The following GNAL variants were observed in gnomAD, a reference collection of about 807,000 sequenced individuals.
GNAL encodes G protein subunit alpha L.
GNAL carries 18 observed loss-of-function variants against 55.1 expected under a neutral mutation model. That is an observed-to-expected ratio of 0.33 (90% confidence interval 0.23 to 0.48). The LOEUF (loss-of-function observed/expected upper bound fraction) is 0.48. Ranked by LOEUF, GNAL falls within the 20% of genes least tolerant of loss-of-function variation. The pLI, the probability that GNAL is intolerant of heterozygous loss-of-function variation, is 0.99. For missense variants in GNAL, 412 were observed against 614.1 expected (o/e 0.67, Z 3.48); for synonymous variants, 253 against 237.0 (o/e 1.07, Z -0.62).
At chr18:11,864,471 G>C in intron 6 of GNAL, 62 bp from the exon 7 acceptor site, 1 of 847,704 alleles carries the variant, frequency 1.2e-6, no homozygotes, top group East Asian at 2.4e-5. Flanking sequence ...AGTTATACCC[G>C]GGCTTTACCT....
intron 5 of GNAL, among the ~76,000 whole-genome samples, chr18:11,831,282 T>C (rs2035377069): frequency 1.3e-5 from 2 of 152,160 alleles, no homozygotes; most frequent in South Asian, 2.1e-4. Flanking sequence ...AAGACAGAGA[T>C]GCTGCCTTGT....
At chr18:11,862,318 G>A (rs2036165702) in intron 5 of GNAL, 77 bp from the exon 6 acceptor site, 1 of 1,092,674 alleles carries the variant, frequency 9.2e-7, no homozygotes, top group African/African-American at 1.5e-5. Context: ...CTTGGGTGAT[G>A]TCCCATTAAT....
intron 4 of GNAL, among the ~76,000 whole-genome samples, chr18:11,781,141 G>A (rs945566788): frequency 6.6e-6 from 1 of 152,110 alleles, no homozygotes. Context: ...TTTAAATATA[G>A]GGAAAATTTG....
At chr18:11,699,971 T>C (rs1276325937) in intron 1 of GNAL, among the ~76,000 whole-genome samples, 3 of 152,208 alleles carry the variant, frequency 2.0e-5, no homozygotes, top group Non-Finnish European at 4.4e-5. Flanking sequence ...CTGTATTCTG[T>C]ACCATCCTCT....
chr18:11,881,143 G>C lies in GNAL; in HGVS notation c.*8G>C, dbSNP rs749940845. 1.9e-6 allele frequency: 3 copies of C among 1,600,908 alleles called. No homozygotes were observed. The highest frequency in any genetic ancestry group is 4.5e-5 in the East Asian group (2 of 44,340). On this transcript the variant is annotated 3_prime_UTR_variant, in exon 12 of 12. Coordinates refer to ENST00000334049, the MANE Select transcript of GNAL (RefSeq NM_182978.4). This position sits in a 1 kb window ranked among gnomAD's most constrained non-coding sequence, Gnocchi z 4.8. ...CAGTATGAGCTCTTGTGAGGATGCT[G>C]CCGCCACCCTGCGACGGAGCGGCGC...
rs180824191 is a variant in GNAL at position 11,724,888 on chromosome 18, A to G, written c.377-27965A>G. 3.0e-3 allele frequency among the ~76,000 whole-genome samples: 452 copies of G among 152,324 alleles called. 1 individual carries two copies. The highest frequency in any genetic ancestry group is 0.011 in the South Asian group (53 of 4,830). ...CCAGAGAATGGTAGTGCCTTGCTCC[A>G]AAATCCTAGAGACTTGTGCTGCAGT... On this transcript the variant is annotated intron_variant, in intron 1 of 11. Coordinates refer to ENST00000334049, the MANE Select transcript of GNAL (RefSeq NM_182978.4).
chr18:11,805,742 T>A (rs1231535366), intron 4 of GNAL, among the ~76,000 whole-genome samples: 2 of 152,242 alleles, frequency 1.3e-5, no homozygotes, highest in Non-Finnish European at 2.9e-5. Flanking sequence ...CCACATCCAG[T>A]CATCCATGGG....
At position 11,885,553 on chromosome 18, in the gene GNAL, A is replaced by G. The variant is rs2037085864; in HGVS notation, c.*4418A>G. On this transcript the variant is annotated 3_prime_UTR_variant, in exon 12 of 12. Transcript: ENST00000334049. ...GGGCAGTGTATGGAGCTACGTGTAG[A>G]AGGAGAGAAATTTGTGTGTGGCTTT... 4 of 1,198,662 alleles carry G rather than the reference A, an allele frequency of 3.3e-6. No homozygotes were observed. In the South Asian group the frequency reaches 5.8e-5, roughly 17 times the overall value. 74.3% of individuals were successfully genotyped at this position (1,198,662 alleles called of 1,614,324 possible). A position where few individuals can be genotyped will look rare whatever the true frequency, so the allele number is the denominator to read the frequency against.
At chr18:11,721,060 C>T (rs2032081706) in intron 1 of GNAL, among the ~76,000 whole-genome samples, 1 of 152,178 alleles carries the variant, frequency 6.6e-6, no homozygotes, top group Admixed American at 6.5e-5. Flanking sequence ...TCTTCTCTTC[C>T]AGAAAAGTGT....
intron 1 of GNAL, among the ~76,000 whole-genome samples, chr18:11,748,214 TG>T (rs1377716148): frequency 6.6e-6 from 1 of 152,198 alleles, no homozygotes; most frequent in African/African-American, 2.4e-5. Flanking sequence ...GTCTCGTCAC[TG>T]TGTAAGGAAA....
chr18:11,856,474 T>G (rs2036010219), intron 5 of GNAL, among the ~76,000 whole-genome samples: 1 of 151,244 alleles, frequency 6.6e-6, no homozygotes, highest in South Asian at 2.1e-4. Flanking sequence ...GCAGGCACCC[T>G]AAGCGCACAG....
chr18:11,789,829 A>G lies in GNAL; in HGVS notation c.625-35089A>G, dbSNP rs368962501. On this transcript the variant is annotated intron_variant, in intron 4 of 11. Transcript: ENST00000334049. Reference sequence around the variant, plus strand: ...AAAGCTTAGACCCAGAAGCTGGGAAAGGGCCTTGTTGTTAGTGTCAGTGTA... The same window carrying G: ...AAAGCTTAGACCCAGAAGCTGGGAAGGGGCCTTGTTGTTAGTGTCAGTGTA... Among the ~76,000 whole-genome samples, 349 of 152,332 alleles carry G rather than the reference A, an allele frequency of 2.3e-3. 1 individual carries two copies. Among genetic ancestry groups the G allele is most frequent in the African/African-American group, 4.2e-3 (175 of 41,582 alleles).
At chr18:11,746,732 T>C in intron 1 of GNAL, 2 of 286,032 alleles carry the variant, frequency 7.0e-6, no homozygotes, top group South Asian at 7.2e-5. Flanking sequence ...GCCACCCAGG[T>C]GAAGCAGCTG....
intron 10 of GNAL, chr18:11,874,458 G>A (rs1012127774): frequency 3.4e-5 from 5 of 148,044 alleles, no homozygotes; most frequent in Non-Finnish European, 5.9e-5. Flanking sequence ...AGCTGGGCGT[G>A]GTGGTGTGCG....
In GNAL at chr18:11,689,661, C is replaced by T; in HGVS notation, c.98C>T (p.Ala33Val). The T allele has an allele frequency of 7.0e-7, 1 of 1,420,024 alleles. No individual in the cohort carries two copies. Among genetic ancestry groups the T allele is most frequent in the Non-Finnish European group, 9.1e-7 (1 of 1,093,292 alleles). 88.0% of individuals were successfully genotyped at this position (1,420,024 alleles called of 1,614,324 possible). Reference protein sequence around the residue: ...SEPPVEDAQPAPAPALAPVRA... With the variant: ...SEPPVEDAQPVPAPALAPVRA... ...CCGCCGGTGGAGGACGCGCAGCCCG[C>T]CCCGGCCCCGGCCCTGGCCCCAGTC... Residue 33 changes from alanine (A) to valine (V), a missense_variant, in exon 1 of 12, where the codon GCC (alanine) becomes GTC (valine). Transcript: ENST00000334049.
At chr18:11,765,589 A>C (rs915775820) in intron 4 of GNAL, among the ~76,000 whole-genome samples, 1 of 152,140 alleles carries the variant, frequency 6.6e-6, no homozygotes, top group Non-Finnish European at 1.5e-5. Flanking sequence ...CCCAGCCTCT[A>C]GTAAGCATCA....
chr18:11,786,436 C>CTTTTTTTTTTTTT lies in GNAL; in HGVS notation c.624+32509_624+32521dup, dbSNP rs66803403. Among the ~76,000 whole-genome samples the CTTTTTTTTTTTTT allele has an allele frequency of 2.0e-4, 12 of 60,618 alleles. 3 individuals are homozygous for CTTTTTTTTTTTTT. Among genetic ancestry groups the CTTTTTTTTTTTTT allele is most frequent in the African/African-American group, 2.8e-4 (4 of 14,226 alleles). The allele number at this position is 60,618 out of a possible 152,430, so 39.8% of individuals were successfully genotyped here. ...GGTGGGATAGATCTTCATACGTTTT[C>CTTTTTTTTTTTTT]TTTTTTTTTTTTTTTTTTTTTTTTT... On this transcript the variant is annotated intron_variant, in intron 4 of 11. Coordinates refer to ENST00000334049, the MANE Select transcript of GNAL (RefSeq NM_182978.4).
intron 4 of GNAL, among the ~76,000 whole-genome samples, chr18:11,799,933 C>G (rs1433250994): frequency 9.9e-5 from 15 of 152,086 alleles, no homozygotes; most frequent in Admixed American, 9.8e-4. Flanking sequence ...GTCTTTCCCT[C>G]CCCCTGTACG....
chr18:11,776,910 G>C (rs1348824206), intron 4 of GNAL, among the ~76,000 whole-genome samples: 4 of 151,990 alleles, frequency 2.6e-5, no homozygotes, highest in Non-Finnish European at 5.9e-5. Context: ...AGTCATTTGT[G>C]CTTTCCAAGA....
Sources: allele counts gnomAD v4.1 joint callset (sites outside exome capture counted in the v4.1 genomes callset), GRCh38; gene constraint gnomAD v4.1.1; non-coding constraint Gnocchi (gnomAD v3.1); transcripts MANE v1.5; gene names NCBI Gene and HGNC (gene_info 2026-07-23, HGNC 2026-07-21).